The following EHMT1 variants were observed in gnomAD, a reference collection of about 807,000 sequenced individuals.
The protein encoded by EHMT1 is euchromatic histone lysine methyltransferase 1.
EHMT1 carries 15 observed loss-of-function variants against 147.2 expected under a neutral mutation model. That is an observed-to-expected ratio of 0.10 (90% CI 0.07 to 0.16). The LOEUF is 0.16. Ranked by LOEUF, EHMT1 falls within the 10% of genes least tolerant of loss-of-function variation. EHMT1 has a pLI of 1.00. For missense variants in EHMT1, 1,587 were observed against 1,772.4 expected (o/e 0.90, Z 1.88); for synonymous variants, 795 against 709.6 (o/e 1.12, Z -1.91).
chr9:137,751,567 A>C (rs1239924495), intron 6 of EHMT1, among the ~76,000 whole-genome samples: 1 of 152,240 alleles, frequency 6.6e-6, no homozygotes, highest in Non-Finnish European at 1.5e-5. Flanking sequence ...TGCCGGGCAC[A>C]GGGTGGACGG....
At chr9:137,636,704 C>G (rs1045460791) in intron 1 of EHMT1, among the ~76,000 whole-genome samples, 2 of 152,024 alleles carry the variant, frequency 1.3e-5, no homozygotes, top group Non-Finnish European at 2.9e-5. Context: ...TTTTCATATG[C>G]TCAACCAGCC....
chr9:137,743,125 GT>G, intron 4 of EHMT1: 2 of 491,484 alleles, frequency 4.1e-6, no homozygotes, highest in Non-Finnish European at 7.3e-6. Flanking sequence ...TTTGCTCCGT[GT>G]TTTGTTGTGA....
chr9:137,710,834 G>A (rs1944638263), intron 1 of EHMT1, 133 bp from the exon 2 acceptor site: 3 of 926,674 alleles, frequency 3.2e-6, no homozygotes, highest in Non-Finnish European at 4.8e-6. Context: ...CAGCTGGCAG[G>A]AGTAAATCTG....
rs566243298 is a variant in EHMT1, at chr9:137,741,279, G to T, written c.824-2092G>T. Reference sequence around the variant, plus strand: ...TAGGTGTGAGCCACTGCGCCCGGCCGACATGATTCTTAAGCACATGAAATG... The same window carrying T: ...TAGGTGTGAGCCACTGCGCCCGGCCTACATGATTCTTAAGCACATGAAATG... On this transcript the variant is annotated intron_variant, in intron 4 of 26. Coordinates refer to ENST00000460843, the MANE Select transcript of EHMT1 (RefSeq NM_024757.5). 7.9e-4 allele frequency among the ~76,000 whole-genome samples: 120 copies of T among 152,134 alleles called. 1 individual carries two copies. Among genetic ancestry groups the T allele is most frequent in the African/African-American group, 2.5e-3 (104 of 41,532 alleles).
intron 25 of EHMT1, among the ~76,000 whole-genome samples, chr9:137,827,754 C>T (rs561614968): frequency 1.3e-5 from 2 of 151,498 alleles, no homozygotes; most frequent in South Asian, 4.2e-4. Flanking sequence ...CCTGCCCACC[C>T]GCCCTCCCGG....
chr9:137,713,193 C>A (rs1374129642), intron 2 of EHMT1, among the ~76,000 whole-genome samples: 1 of 151,874 alleles, frequency 6.6e-6, no homozygotes, highest in Non-Finnish European at 1.5e-5. Flanking sequence ...TCTCCCTGGG[C>A]TCAGGCAATC....
chr9:137,761,637 T>G (rs1368598999), intron 9 of EHMT1, among the ~76,000 whole-genome samples: 2 of 152,072 alleles, frequency 1.3e-5, no homozygotes, highest in African/African-American at 4.8e-5. Context: ...ATTTTTTTTT[T>G]TAGTAGAGAC....
intron 1 of EHMT1, among the ~76,000 whole-genome samples, chr9:137,690,872 C>T (rs1474205159): frequency 6.6e-6 from 1 of 152,220 alleles, no homozygotes; most frequent in Non-Finnish European, 1.5e-5. Flanking sequence ...TCTAGATAAG[C>T]ACCATGAAGT....
chr9:137,732,252 C>T lies in EHMT1; in HGVS notation c.823+3723C>T, dbSNP rs534355897. ...AGGTTTGGGTCCCCAGAAGGATCAC[C>T]GCTCTTCACTCCCGCAGTTCAGCGA... On this transcript the variant is annotated intron_variant, in intron 4 of 26. Coordinates refer to ENST00000460843, the MANE Select transcript of EHMT1 (RefSeq NM_024757.5). The surrounding 1 kb of genome is among the most constrained non-coding windows in gnomAD (Gnocchi z 4.6). 2.8e-4 allele frequency among the ~76,000 whole-genome samples: 42 copies of T among 152,348 alleles called. No individual in the cohort carries two copies. In the South Asian group the frequency reaches 5.0e-3, roughly 18 times the overall value.
At chr9:137,825,027 T>C (rs79354855) in intron 25 of EHMT1, among the ~76,000 whole-genome samples, 2,729 of 152,326 alleles carry the variant, frequency 0.018, 37 homozygotes, top group Non-Finnish European at 0.03. Flanking sequence ...CTGTCTAATG[T>C]TAGCTTCAGG....
At position 137,775,013 on chromosome 9, in the gene EHMT1, G is replaced by GCC. The variant is rs1311347417; in HGVS notation, c.1648-95_1648-94insCC. ...GGCTCAGTCAGCCCACACCTGCTGA[G>GCC]CAGCTCTTGTGTGCCTGCACTGCCC... On this transcript the variant is annotated intron_variant, in intron 10 of 26. Transcript: ENST00000460843. This position sits in a 1 kb window ranked among gnomAD's most constrained non-coding sequence, Gnocchi z 6.1. 3 of 1,575,236 alleles carry GCC rather than the reference G, an allele frequency of 1.9e-6. No individual in the cohort carries two copies. The East Asian group carries it at 6.7e-5, about 35-fold the overall frequency.
intron 1 of EHMT1, among the ~76,000 whole-genome samples, chr9:137,631,112 T>A (rs1843598554): frequency 6.6e-6 from 1 of 152,110 alleles, no homozygotes; most frequent in African/African-American, 2.4e-5. Context: ...TGGCCGTGTG[T>A]GGTGGCTTAT....
chr9:137,809,752 A>G (rs542788798), intron 18 of EHMT1, among the ~76,000 whole-genome samples: 113 of 152,370 alleles, frequency 7.4e-4, no homozygotes, highest in African/African-American at 2.5e-3. Flanking sequence ...ATTTGCTGGC[A>G]TTGTATTCCA....
rs1011798338 is a variant in EHMT1, at chr9:137,814,186, G to A, written c.3181-245G>A. ...CACCCACCCCACGTCACCCACTGCC[G>A]CGTCGCTGCCCTGCCTGCCCCCTGT... On this transcript the variant is annotated intron_variant, in intron 21 of 26. Coordinates refer to ENST00000460843, the MANE Select transcript of EHMT1 (RefSeq NM_024757.5). The A allele has an allele frequency of 4.7e-5, 28 of 594,430 alleles. 1 individual carries two copies. The highest frequency in any genetic ancestry group is 1.5e-4 in the South Asian group (8 of 53,866). 36.8% of individuals were successfully genotyped at this position (594,430 alleles called of 1,614,324 possible). A position where few individuals can be genotyped will look rare whatever the true frequency, so the allele number is the denominator to read the frequency against.
intron 2 of EHMT1, among the ~76,000 whole-genome samples, chr9:137,711,616 G>A (rs1306159410): frequency 1.3e-5 from 2 of 152,310 alleles, no homozygotes; most frequent in East Asian, 1.9e-4. Context: ...AGTGTCTGCA[G>A]AGAGGCAGGG....
At chr9:137,690,215 C>T (rs992091949) in intron 1 of EHMT1, among the ~76,000 whole-genome samples, 5 of 152,072 alleles carry the variant, frequency 3.3e-5, no homozygotes, top group African/African-American at 4.8e-5. Flanking sequence ...TGCCGATGGA[C>T]GTCATGTAGA....
At chr9:137,763,589 T>C (rs1179100403) in intron 10 of EHMT1, 1 of 154,858 alleles carries the variant, frequency 6.5e-6, no homozygotes, top group Non-Finnish European at 1.4e-5. Context: ...TCCACGAGTT[T>C]CCTGGTCTTA....
chr9:137,820,250 G>A (rs1196698530), intron 25 of EHMT1: 1 of 152,278 alleles, frequency 6.6e-6, no homozygotes, highest in African/African-American at 2.4e-5. Context: ...GCATCTCCCT[G>A]TGCAGTGGGG....
intron 1 of EHMT1, among the ~76,000 whole-genome samples, chr9:137,700,071 C>T (rs1943709552): frequency 6.6e-6 from 1 of 152,188 alleles, no homozygotes; most frequent in African/African-American, 2.4e-5. Flanking sequence ...AGGTTACTGT[C>T]TTCTGTCCTG....
Sources: gnomAD v4.1 joint callset for allele counts (sites outside exome capture counted in the v4.1 genomes callset) on GRCh38, gnomAD v4.1.1 for gene constraint, Gnocchi (gnomAD v3.1) non-coding constraint, MANE v1.5 for transcripts, NCBI Gene and HGNC (gene_info 2026-07-23, HGNC 2026-07-21) for gene names.